Variants in RIMS3 observed in about 807,000 individuals in gnomAD.
The protein encoded by RIMS3 is regulating synaptic membrane exocytosis protein 3.
A neutral mutation model predicts 29.2 loss-of-function variants in RIMS3; 15 were observed. The observed-to-expected ratio is 0.51, with a 90% CI of 0.34 to 0.79. The LOEUF is 0.79. Among genes scored for constraint, RIMS3 ranks in the 30% least tolerant of loss-of-function variants. RIMS3 has a pLI of 0.01. For synonymous variants in RIMS3, 161 were observed against 170.1 expected (o/e 0.95, Z 0.41); for missense variants, 342 against 421.4 (o/e 0.81, Z 1.65).
chr1:40,688,353 T>C, the RIMS3 span, among the ~76,000 whole-genome samples: 1 of 152,176 alleles, frequency 6.6e-6, no homozygotes, highest in Non-Finnish European at 1.5e-5. Context: ...CAGGTTCTGT[T>C]ATACAGTGCT....
intron 3 of RIMS3, among the ~76,000 whole-genome samples, chr1:40,641,145 T>C (rs1406022818): frequency 6.6e-6 from 1 of 152,184 alleles, no homozygotes; most frequent in African/African-American, 2.4e-5. Context: ...CTGAATCTTT[T>C]TTGTTTTTTA....
chr1:40,667,305 G>A (rs1642438702), upstream of RIMS3, among the ~76,000 whole-genome samples: 1 of 152,114 alleles, frequency 6.6e-6, no homozygotes, highest in Non-Finnish European at 1.5e-5. Context: ...TAGGGCCTGG[G>A]TGGTAGAATG....
At chr1:40,633,869 A>G (rs1646504538) in intron 4 of RIMS3, among the ~76,000 whole-genome samples, 2 of 152,232 alleles carry the variant, frequency 1.3e-5, no homozygotes, top group South Asian at 4.1e-4. Flanking sequence ...TACAGATGAG[A>G]AAACAGAGGC....
intron 3 of RIMS3, among the ~76,000 whole-genome samples, chr1:40,641,242 G>C (rs913531329): frequency 1.6e-4 from 24 of 152,116 alleles, no homozygotes; most frequent in Non-Finnish European, 4.4e-5. Flanking sequence ...CAAAGTGCTG[G>C]GATTATAGGT....
chr1:40,688,860 C>T, the RIMS3 span, among the ~76,000 whole-genome samples: 1 of 152,180 alleles, frequency 6.6e-6, no homozygotes, highest in Non-Finnish European at 1.5e-5. Flanking sequence ...AAACAGGGTA[C>T]AGAATGGCTG....
At chr1:40,646,094 C>T (rs1341295650) in intron 2 of RIMS3, among the ~76,000 whole-genome samples, 1 of 152,162 alleles carries the variant, frequency 6.6e-6, no homozygotes, top group Non-Finnish European at 1.5e-5. Flanking sequence ...CTCCTCTGGG[C>T]CTCGGCTGTC....
At chr1:40,645,690 T>C (rs1646590568) in intron 2 of RIMS3, among the ~76,000 whole-genome samples, 3 of 152,070 alleles carry the variant, frequency 2.0e-5, no homozygotes. Flanking sequence ...GCACAGCCTC[T>C]GGGAAGCAAG....
Position 40,628,892 on chromosome 1 carries a change from GTCT to G in RIMS3, c.629_631del (p.Lys210del). The G allele has an allele frequency of 1.9e-6, 3 of 1,613,918 alleles. No homozygotes were observed. The highest frequency in any genetic ancestry group is 2.5e-6 in the Non-Finnish European group (3 of 1,180,032). On this transcript the variant is annotated inframe_deletion, in exon 7 of 8. Transcript: ENST00000372684. ...ATCACAGGTCTTCTTGGTCATCTTT[GTCT>G]TCTTCTTGGCCAAGCAGGCCCCATT...
chr1:40,682,563 C>T, the RIMS3 span, among the ~76,000 whole-genome samples: 2 of 151,904 alleles, frequency 1.3e-5, no homozygotes, highest in Non-Finnish European at 2.9e-5. Flanking sequence ...CTTTTGCATT[C>T]CCATTCTCTC....
chr1:40,633,169 G>T lies in RIMS3; in HGVS notation c.372C>A (p.Pro124=). The T allele has an allele frequency of 6.2e-7, 1 of 1,613,974 alleles. No individual in the cohort carries two copies. Among genetic ancestry groups the T allele is most frequent in the Non-Finnish European group, 8.5e-7 (1 of 1,179,820 alleles). The part of the protein sequence containing the change: ...SNSSDGTFIF[P]TTRLGAESQF... The stretch of plus-strand genomic sequence containing the variant: ...GGCTTTCAGCCCCTAGCCGGGTAGT[G>T]GGGAAGATGAACCTGCAGGAGGAGG... The change falls in exon 5 of 8, where the codon CCC becomes CCA. Residue 124 remains proline, a synonymous_variant. Coordinates refer to ENST00000372684, the MANE Select transcript of RIMS3 (RefSeq NM_014747.3).
rs1646441492 is a variant in RIMS3 at position 40,624,491 on chromosome 1, A to G, written c.*2026T>C. Reference sequence around the variant, plus strand: ...GGGGAGAGCATTTCCGCCTAAAGAGAAAATTCAGCCCAGTGGCCTCCTCCC... The same window carrying G: ...GGGGAGAGCATTTCCGCCTAAAGAGGAAATTCAGCCCAGTGGCCTCCTCCC... On this transcript the variant is annotated 3_prime_UTR_variant, in exon 8 of 8. Coordinates refer to ENST00000372684, the MANE Select transcript of RIMS3 (RefSeq NM_014747.3). The G allele has an allele frequency of 6.6e-6, 1 of 152,162 alleles. No homozygotes were observed. The highest frequency in any genetic ancestry group is 2.4e-5 in the African/African-American group (1 of 41,430). 9.4% of individuals were successfully genotyped at this position (152,162 alleles called of 1,614,324 possible). A position where few individuals can be genotyped will look rare whatever the true frequency, so the allele number is the denominator to read the frequency against.
intron 1 of RIMS3, among the ~76,000 whole-genome samples, chr1:40,655,823 G>A (rs910146230): frequency 6.6e-6 from 1 of 152,184 alleles, no homozygotes; most frequent in African/African-American, 2.4e-5. Flanking sequence ...TGGCCGATAT[G>A]GTCAAACCCC....
chr1:40,662,590 G>A (rs899316455), intron 1 of RIMS3, among the ~76,000 whole-genome samples: 3 of 152,190 alleles, frequency 2.0e-5, no homozygotes, highest in African/African-American at 4.8e-5. Context: ...AGAGGGCCAG[G>A]CATTCTTTCT....
chr1:40,632,559 T>G, intron 5 of RIMS3, among the ~76,000 whole-genome samples: 1 of 151,174 alleles, frequency 6.6e-6, no homozygotes, highest in East Asian at 2.0e-4. Context: ...ATCACTTCCT[T>G]TGCATGGATT....
upstream of RIMS3, among the ~76,000 whole-genome samples, chr1:40,668,249 CAA>C (rs35624303): frequency 0.31 from 32,995 of 105,862 alleles, 4,796 homozygotes; most frequent in African/African-American, 0.46. Context: ...GACTCTGTCT[CAA>C]AAAAAAAAAA....
intron 3 of RIMS3, among the ~76,000 whole-genome samples, chr1:40,640,013 C>A (rs1646545417): frequency 6.6e-6 from 1 of 152,122 alleles, no homozygotes; most frequent in Admixed American, 6.5e-5. Context: ...CAAGGCAGAC[C>A]ACTAGAAGGT....
At chr1:40,641,169 C>T (rs762036411) in intron 3 of RIMS3, among the ~76,000 whole-genome samples, 17 of 152,150 alleles carry the variant, frequency 1.1e-4, no homozygotes, top group Non-Finnish European at 8.8e-5. Context: ...CAGGGGGTCT[C>T]ACTATGTTGC....
rs1473545367 is a variant in RIMS3 at position 40,632,920 on chromosome 1, G to A, written c.472+149C>T. The A allele has an allele frequency of 8.1e-6, 6 of 741,546 alleles. No individual in the cohort carries two copies. In the East Asian group the frequency reaches 1.3e-4, roughly 16 times the overall value. 45.9% of individuals were successfully genotyped at this position (741,546 alleles called of 1,614,324 possible). A position where few individuals can be genotyped will look rare whatever the true frequency, so the allele number is the denominator to read the frequency against. ...CCCATTTTAAATATGAGGAGACTGAGGTTCAAAGAAGGGAAGTGACTTGCT... is the reference window on the plus strand; with the variant it reads ...CCCATTTTAAATATGAGGAGACTGAAGTTCAAAGAAGGGAAGTGACTTGCT... On this transcript the variant is annotated intron_variant, in intron 5 of 7. Transcript: ENST00000372684.
chr1:40,678,480 G>A, the RIMS3 span, among the ~76,000 whole-genome samples: 3 of 152,144 alleles, frequency 2.0e-5, no homozygotes, highest in Admixed American at 1.3e-4. Context: ...TCTGCAGCAA[G>A]GACATCCTTC....
Sources: gnomAD v4.1 joint callset for allele counts (sites outside exome capture counted in the v4.1 genomes callset) on GRCh38, gnomAD v4.1.1 for gene constraint, MANE v1.5 for transcripts, NCBI Gene and HGNC (gene_info 2026-07-23, HGNC 2026-07-21) for gene names.